Variants in CIMAP2 observed in about 807,000 individuals in gnomAD.
The protein encoded by CIMAP2 is ciliary microtubule-associated protein 2.
chr1:54,807,563 C>A, the CIMAP2 span: 9 of 1,598,250 alleles, frequency 5.6e-6, no homozygotes, highest in South Asian at 1.1e-5. Flanking sequence ...TCCAAAGAGA[C>A]CTGCTTCAGC....
chr1:54,841,916 AG>A, the CIMAP2 span: 6 of 1,529,858 alleles, frequency 3.9e-6, no homozygotes, highest in African/African-American at 8.3e-5. Context: ...GAGAGCCCAA[AG>A]GCCTGAAGAC....
chr1:54,840,230 T>A, the CIMAP2 span, among the ~76,000 whole-genome samples: 3 of 152,234 alleles, frequency 2.0e-5, no homozygotes, highest in Non-Finnish European at 4.4e-5. Flanking sequence ...AGTGGAATCA[T>A]CTGTATGTAG....
At chr1:54,827,447 C>T in the CIMAP2 span, among the ~76,000 whole-genome samples, 1 of 152,232 alleles carries the variant, frequency 6.6e-6, no homozygotes, top group African/African-American at 2.4e-5. Flanking sequence ...GTGTTCTCCT[C>T]CTGGACATCT....
the CIMAP2 span, among the ~76,000 whole-genome samples, chr1:54,831,238 T>C: frequency 6.6e-6 from 1 of 152,238 alleles, no homozygotes; most frequent in Non-Finnish European, 1.5e-5. Context: ...CAGTCATTCA[T>C]CTGCAAAGCA....
the CIMAP2 span, among the ~76,000 whole-genome samples, chr1:54,824,876 T>C: frequency 6.6e-6 from 1 of 151,650 alleles, no homozygotes; most frequent in Non-Finnish European, 1.5e-5. Flanking sequence ...AGGCATTTCA[T>C]AGATTTCCTT....
chr1:54,808,426 C>T, the CIMAP2 span, among the ~76,000 whole-genome samples: 1 of 152,090 alleles, frequency 6.6e-6, no homozygotes, highest in Non-Finnish European at 1.5e-5. Flanking sequence ...GCATTGGAAG[C>T]AGCAGAGGCT....
At chr1:54,817,471 C>T in the CIMAP2 span, among the ~76,000 whole-genome samples, 1 of 152,300 alleles carries the variant, frequency 6.6e-6, no homozygotes, top group African/African-American at 2.4e-5. Flanking sequence ...CCATACGGTC[C>T]AGTCTCGGCT....
At chr1:54,813,962 GC>G in the CIMAP2 span, 49 of 1,605,634 alleles carry the variant, frequency 3.1e-5, 1 homozygote, top group South Asian at 5.0e-4. Flanking sequence ...CTCAGCCAGT[GC>G]CCCCGCACAC....
At chr1:54,842,007 G>A in the CIMAP2 span, 1 of 893,074 alleles carries the variant, frequency 1.1e-6, no homozygotes, top group Non-Finnish European at 1.7e-6. Flanking sequence ...GGGGAGAGAT[G>A]TATGGGGATC....
the CIMAP2 span, among the ~76,000 whole-genome samples, chr1:54,821,027 C>T: frequency 2.0e-5 from 3 of 152,264 alleles, no homozygotes; most frequent in African/African-American, 7.2e-5. Context: ...CCTTGGCCTC[C>T]CAAAGTGCTA....
At chr1:54,824,337 C>T in the CIMAP2 span, among the ~76,000 whole-genome samples, 28 of 152,192 alleles carry the variant, frequency 1.8e-4, no homozygotes, top group East Asian at 4.8e-3. Context: ...CTGTCTTTGA[C>T]TTTTGACAGT....
the CIMAP2 span, chr1:54,807,993 C>A: frequency 3.2e-6 from 5 of 1,579,758 alleles, no homozygotes; most frequent in Non-Finnish European, 3.4e-6. Context: ...GGGAGGTTCG[C>A]TTCCGAGGAC....
At chr1:54,819,349 A>G in the CIMAP2 span, among the ~76,000 whole-genome samples, 1 of 151,994 alleles carries the variant, frequency 6.6e-6, no homozygotes, top group Non-Finnish European at 1.5e-5. Flanking sequence ...CCTCCAGTCT[A>G]CTGCTGGCTG....
the CIMAP2 span, chr1:54,807,851 A>G: frequency 6.5e-7 from 1 of 1,536,918 alleles, no homozygotes. Flanking sequence ...GATTTTCCCA[A>G]GTTTAAGGCT....
chr1:54,808,106 A>G, the CIMAP2 span: 4 of 1,375,516 alleles, frequency 2.9e-6, no homozygotes, highest in Non-Finnish European at 3.9e-6. Flanking sequence ...CCAGCCAGCC[A>G]GCCAGGAATA....
the CIMAP2 span, chr1:54,811,765 G>GCCGGGGGGGCGGCCCCCCCCCCC: frequency 7.7e-7 from 1 of 1,301,330 alleles, no homozygotes; most frequent in East Asian, 2.5e-5. Context: ...GGTTCTGACA[G>GCCGGGGGGGCGGCCCCCCCCCCC]CCTCCATGCC....
chr1:54,840,035 C>T, the CIMAP2 span, among the ~76,000 whole-genome samples: 1 of 152,236 alleles, frequency 6.6e-6, no homozygotes. Context: ...CAGGCATGAG[C>T]CACCACGCCC....
At chr1:54,825,659 C>T in the CIMAP2 span, among the ~76,000 whole-genome samples, 3 of 152,064 alleles carry the variant, frequency 2.0e-5, no homozygotes, top group East Asian at 1.9e-4. Context: ...CAGGTCTGGG[C>T]GGGCTGGTCC....
the CIMAP2 span, among the ~76,000 whole-genome samples, chr1:54,822,670 A>G: frequency 1.3e-5 from 2 of 151,870 alleles, no homozygotes; most frequent in Non-Finnish European, 1.5e-5. Context: ...TGCCCAAGTA[A>G]TTTTTTTGTA....
Sources: gnomAD v4.1 joint callset for allele counts (sites outside exome capture counted in the v4.1 genomes callset) on GRCh38, gnomAD v4.1.1 for gene constraint, MANE v1.5 for transcripts, NCBI Gene and HGNC (gene_info 2026-07-23, HGNC 2026-07-21) for gene names.